Variants in AGBL1 observed in about 807,000 individuals in gnomAD.
The protein encoded by AGBL1 is AGBL carboxypeptidase 1, also known as cytosolic carboxypeptidase 4.
AGBL1 carries 130 observed loss-of-function variants against 118.9 expected under a neutral mutation model. The ratio of observed to expected loss-of-function variants is 1.09; its 90% CI spans 0.95 to 1.26. AGBL1 has a LOEUF of 1.26. AGBL1 is among the 50% of genes most tolerant of loss of function. AGBL1 has a pLI of 0.00. For synonymous variants in AGBL1, 555 were observed against 478.9 expected, an observed-to-expected ratio of 1.16 and a Z score of -2.08; for missense variants, 1,584 against 1,298.1, an observed-to-expected ratio of 1.22 and a Z score of -3.38.
chr15:86,794,694 C>G (rs1461567909), intron 22 of AGBL1, among the ~76,000 whole-genome samples: 1 of 151,746 alleles, frequency 6.6e-6, no homozygotes, highest in African/African-American at 2.4e-5. Context: ...TGTACTTTTC[C>G]CCAATCCATG....
At chr15:86,696,176 A>C (rs7180835) in intron 22 of AGBL1, among the ~76,000 whole-genome samples, 18,299 of 151,906 alleles carry the variant, frequency 0.12, 1,304 homozygotes, top group African/African-American at 0.19. Context: ...CTGTCAGTGG[A>C]GTATTGAACT....
intron 22 of AGBL1, among the ~76,000 whole-genome samples, chr15:86,680,868 C>T (rs985395998): frequency 6.6e-6 from 1 of 152,074 alleles, no homozygotes; most frequent in South Asian, 2.1e-4. Flanking sequence ...CACCTGGCCG[C>T]ACCCTGTCTT....
At chr15:86,896,379 T>G (rs1368625836) in intron 22 of AGBL1, among the ~76,000 whole-genome samples, 1 of 150,182 alleles carries the variant, frequency 6.7e-6, no homozygotes, top group East Asian at 1.9e-4. Context: ...CTCAGGAGAG[T>G]TCCATATACC....
intron 22 of AGBL1, among the ~76,000 whole-genome samples, chr15:86,692,525 T>C (rs2086190590): frequency 6.6e-6 from 1 of 152,124 alleles, no homozygotes; most frequent in Non-Finnish European, 1.5e-5. Context: ...AAACAATGGC[T>C]TCGCAAGGAG....
chr15:87,014,033 A>G, intron 24 of AGBL1, among the ~76,000 whole-genome samples: 1 of 152,312 alleles, frequency 6.6e-6, no homozygotes, highest in East Asian at 1.9e-4. Flanking sequence ...AATACCTTTA[A>G]TGTACCTAAA....
At chr15:86,446,416 G>A (rs1235720428) in intron 18 of AGBL1, among the ~76,000 whole-genome samples, 1 of 152,192 alleles carries the variant, frequency 6.6e-6, no homozygotes, top group Non-Finnish European at 1.5e-5. Context: ...GGCATAGCAA[G>A]CTGTATTAGA....
intron 22 of AGBL1, among the ~76,000 whole-genome samples, chr15:86,858,010 A>C (rs2141473716): frequency 6.6e-6 from 1 of 152,224 alleles, no homozygotes; most frequent in South Asian, 2.1e-4. Context: ...TTTCCAGAAT[A>C]GTCTTTCTAG....
chr15:86,788,604 G>C (rs562650489), intron 22 of AGBL1, among the ~76,000 whole-genome samples: 2 of 152,094 alleles, frequency 1.3e-5, no homozygotes, highest in Non-Finnish European at 2.9e-5. Flanking sequence ...GATGCGAGAC[G>C]GTCATAGGCA....
At chr15:86,889,270 A>C (rs2141552426) in intron 22 of AGBL1, among the ~76,000 whole-genome samples, 1 of 140,226 alleles carries the variant, frequency 7.1e-6, no homozygotes, top group South Asian at 2.2e-4. Flanking sequence ...TACTATAGAA[A>C]GTTTGACCAA....
At chr15:86,435,413 T>A (rs1374992923) in intron 18 of AGBL1, among the ~76,000 whole-genome samples, 2 of 152,214 alleles carry the variant, frequency 1.3e-5, no homozygotes, top group Non-Finnish European at 2.9e-5. Context: ...TATTGCCGGA[T>A]GAGAGTCAAT....
At chr15:86,992,221 A>T (rs543949766) in intron 24 of AGBL1, among the ~76,000 whole-genome samples, 3 of 152,186 alleles carry the variant, frequency 2.0e-5, no homozygotes, top group African/African-American at 7.2e-5. Flanking sequence ...TCAGATTGAG[A>T]ACTCACTCAT....
At chr15:86,494,291 A>C (rs35478398) in intron 18 of AGBL1, among the ~76,000 whole-genome samples, 3,918 of 152,178 alleles carry the variant, frequency 0.026, 76 homozygotes, top group Non-Finnish European at 0.039. Context: ...GTTTCATTTG[A>C]CATGTCTGTG....
At chr15:86,431,447 A>G (rs946687312) in intron 18 of AGBL1, among the ~76,000 whole-genome samples, 4 of 152,228 alleles carry the variant, frequency 2.6e-5, no homozygotes, top group African/African-American at 9.6e-5. Context: ...GTTACCATAT[A>G]CATTTCCGAG....
chr15:86,390,440 C>A (rs1230966233), intron 17 of AGBL1, among the ~76,000 whole-genome samples: 1 of 151,968 alleles, frequency 6.6e-6, no homozygotes, highest in Non-Finnish European at 1.5e-5. Flanking sequence ...ATTCTTTGAT[C>A]CTAACACCTT....
chr15:86,714,855 A>C (rs2086614337), intron 22 of AGBL1, among the ~76,000 whole-genome samples: 1 of 152,168 alleles, frequency 6.6e-6, no homozygotes, highest in East Asian at 1.9e-4. Context: ...CATCCCTCCT[A>C]TTTGGAGCTT....
chr15:86,780,737 C>T (rs573454089), intron 22 of AGBL1, among the ~76,000 whole-genome samples: 3 of 150,978 alleles, frequency 2.0e-5, no homozygotes, highest in South Asian at 2.1e-4. Context: ...TATCTTGGCT[C>T]ACTGCGACTT....
intron 17 of AGBL1, among the ~76,000 whole-genome samples, chr15:86,321,442 T>C (rs1268262520): frequency 6.6e-6 from 1 of 152,064 alleles, no homozygotes; most frequent in Non-Finnish European, 1.5e-5. Flanking sequence ...TTCTTAATGT[T>C]GTTTATTCAT....
chr15:86,426,713 G>A (rs555916978), intron 18 of AGBL1, among the ~76,000 whole-genome samples: 1 of 152,176 alleles, frequency 6.6e-6, no homozygotes, highest in Non-Finnish European at 1.5e-5. Context: ...TCCTAAAGCT[G>A]CCCAAGTGGG....
chr15:86,217,433 A>G (rs1471510196), intron 5 of AGBL1, among the ~76,000 whole-genome samples: 1 of 152,204 alleles, frequency 6.6e-6, no homozygotes, highest in Non-Finnish European at 1.5e-5. Flanking sequence ...CATGTTTCCT[A>G]TTTTCTGGAG....
Sources: allele counts gnomAD v4.1 joint callset (sites outside exome capture counted in the v4.1 genomes callset), GRCh38; gene constraint gnomAD v4.1.1; transcripts MANE v1.5; gene names NCBI Gene and HGNC (gene_info 2026-07-23, HGNC 2026-07-21).